Variants in DPP6 observed in about 807,000 individuals in gnomAD.
DPP6 encodes the protein dipeptidyl peptidase like 6.
A neutral mutation model predicts 122.6 loss-of-function variants in DPP6; 69 were observed. The observed-to-expected ratio is 0.56, with a 90% CI of 0.46 to 0.69. The LOEUF is 0.69. Ranked by LOEUF, DPP6 falls within the 30% of genes least tolerant of loss-of-function variation. DPP6 has a pLI of 0.00. For missense variants in DPP6, 928 were observed against 1,116.9 expected (o/e 0.83, Z 2.41); for synonymous variants, 418 against 433.1 (o/e 0.97, Z 0.43).
In DPP6 at chr7:154,052,776, A is replaced by C. The variant is rs1353110386; in HGVS notation, c.-45A>C. Reference sequence around the variant, plus strand: ...GGAGTGGGAACCGGAGAGAAAGCAAAATATTAAAAAGCCCCAAAGACAGCC... The same window carrying C: ...GGAGTGGGAACCGGAGAGAAAGCAACATATTAAAAAGCCCCAAAGACAGCC... On this transcript the variant is annotated 5_prime_UTR_variant, in exon 1 of 26. Coordinates refer to ENST00000377770, the MANE Select transcript of DPP6 (RefSeq NM_130797.4). The surrounding 1 kb of genome is among the most constrained non-coding windows in gnomAD (Gnocchi z 4.8). The C allele has an allele frequency of 1.0e-5, 15 of 1,442,790 alleles. No individual in the cohort carries two copies. The highest frequency in any genetic ancestry group is 1.4e-5 in the Non-Finnish European group (15 of 1,087,086). 89.4% of individuals were successfully genotyped at this position (1,442,790 alleles called of 1,614,324 possible).
At chr7:153,935,681 G>T (rs1183272416) in intron 1 of DPP6, among the ~76,000 whole-genome samples, 1 of 152,196 alleles carries the variant, frequency 6.6e-6, no homozygotes, top group Non-Finnish European at 1.5e-5. Context: ...GGAGACTCAG[G>T]CTCCGTTGCA....
chr7:154,882,781 G>A (rs1210927308), intron 21 of DPP6, among the ~76,000 whole-genome samples: 1 of 152,178 alleles, frequency 6.6e-6, no homozygotes, highest in South Asian at 2.1e-4. Flanking sequence ...GACAAGTAAG[G>A]ACGTGTGGAG....
chr7:153,877,135 A>T, the DPP6 span, among the ~76,000 whole-genome samples: 1 of 152,028 alleles, frequency 6.6e-6, no homozygotes, highest in Non-Finnish European at 1.5e-5. Context: ...AAACAAAAAA[A>T]ACCCTTTTCT....
chr7:154,882,784 G>A (rs1464822704), intron 21 of DPP6, among the ~76,000 whole-genome samples: 4 of 152,184 alleles, frequency 2.6e-5, no homozygotes, highest in African/African-American at 7.2e-5. Context: ...AAGTAAGGAC[G>A]TGTGGAGTTC....
intron 2 of DPP6, among the ~76,000 whole-genome samples, chr7:154,473,231 C>T (rs112381801): frequency 7.9e-5 from 12 of 152,114 alleles, no homozygotes; most frequent in African/African-American, 2.7e-4. Flanking sequence ...TTTTAAAATT[C>T]TCATTTATTG....
chr7:153,791,424 CTTT>C, the DPP6 span, among the ~76,000 whole-genome samples: 1 of 91,646 alleles, frequency 1.1e-5, no homozygotes, highest in South Asian at 4.2e-4. Flanking sequence ...TCCTTCCTTT[CTTT>C]TTTTTTTTTT....
intron 4 of DPP6, among the ~76,000 whole-genome samples, chr7:154,563,300 G>A (rs932420182): frequency 7.2e-5 from 11 of 152,198 alleles, no homozygotes; most frequent in African/African-American, 2.4e-4. Context: ...GGGACTGAGG[G>A]GAGAATACTG....
intron 1 of DPP6, among the ~76,000 whole-genome samples, chr7:154,346,690 T>C (rs1368109683): frequency 6.6e-6 from 1 of 152,178 alleles, no homozygotes; most frequent in Non-Finnish European, 1.5e-5. Flanking sequence ...TTGCCATTAA[T>C]CCTATCACTG....
chr7:153,852,397 C>T, the DPP6 span, among the ~76,000 whole-genome samples: 8 of 152,198 alleles, frequency 5.3e-5, no homozygotes, highest in East Asian at 1.9e-4. Flanking sequence ...GGGGAGCAGG[C>T]ATCTCATATG....
chr7:154,204,659 G>A (rs1799341249), intron 1 of DPP6, among the ~76,000 whole-genome samples: 1 of 152,140 alleles, frequency 6.6e-6, no homozygotes, highest in Non-Finnish European at 1.5e-5. Context: ...CTTGCGGCAG[G>A]TCCTGGGCGT....
chr7:154,662,102 A>T (rs1185137383), intron 6 of DPP6, among the ~76,000 whole-genome samples: 35 of 150,566 alleles, frequency 2.3e-4, no homozygotes, highest in African/African-American at 8.4e-4. Flanking sequence ...ATGGTGAATC[A>T]CCATGGCATA....
intron 1 of DPP6, among the ~76,000 whole-genome samples, chr7:154,314,221 A>G (rs1042707311): frequency 6.6e-6 from 1 of 152,278 alleles, no homozygotes; most frequent in African/African-American, 2.4e-5. Flanking sequence ...CTGATTCTGT[A>G]TCTATGAAAT....
In DPP6 at chr7:154,706,966, A is replaced by G. The variant is rs919775262; in HGVS notation, c.763-20801A>G. 1.9e-4 allele frequency among the ~76,000 whole-genome samples: 29 copies of G among 152,206 alleles called. 1 individual carries two copies. The highest frequency in any genetic ancestry group is 6.5e-4 in the African/African-American group (27 of 41,446). On this transcript the variant is annotated intron_variant, in intron 7 of 25. Coordinates refer to ENST00000377770, the MANE Select transcript of DPP6 (RefSeq NM_130797.4). ...TTTTGAAAGAAGGAATGATATGAGTACTTTCTGGTAGGAAGAGCAATTTTA... is the reference window on the plus strand; with the variant it reads ...TTTTGAAAGAAGGAATGATATGAGTGCTTTCTGGTAGGAAGAGCAATTTTA...
At chr7:154,164,166 T>A (rs1290457518) in intron 1 of DPP6, among the ~76,000 whole-genome samples, 1 of 151,024 alleles carries the variant, frequency 6.6e-6, no homozygotes, top group East Asian at 1.9e-4. Flanking sequence ...GTTCTGACTA[T>A]GGTCTAAGAG....
chr7:154,291,548 GTAA>G (rs1278070423), intron 1 of DPP6, among the ~76,000 whole-genome samples: 1 of 152,166 alleles, frequency 6.6e-6, no homozygotes, highest in East Asian at 1.9e-4. Context: ...GAGCTGCTTT[GTAA>G]TGGCTGCGTC....
At chr7:154,115,177 ACAAATGCCTTTGTGC>A (rs1806890804) in intron 1 of DPP6, among the ~76,000 whole-genome samples, 1 of 152,172 alleles carries the variant, frequency 6.6e-6, no homozygotes, top group Non-Finnish European at 1.5e-5. Flanking sequence ...GGTGTGAAAG[ACAAATGCCTTTGTGC>A]CCTCAAAGGC....
intron 5 of DPP6, among the ~76,000 whole-genome samples, chr7:154,611,644 T>C (rs1263299361): frequency 6.6e-6 from 1 of 152,192 alleles, no homozygotes; most frequent in Non-Finnish European, 1.5e-5. Flanking sequence ...CTTTATCTCA[T>C]GTATGTTATT....
At chr7:153,824,004 C>T in the DPP6 span, among the ~76,000 whole-genome samples, 1 of 152,146 alleles carries the variant, frequency 6.6e-6, no homozygotes, top group Non-Finnish European at 1.5e-5. Flanking sequence ...AAATGTGTTT[C>T]AGGAGAAACT....
intron 1 of DPP6, among the ~76,000 whole-genome samples, chr7:154,120,235 A>G (rs1409511215): frequency 6.9e-6 from 1 of 144,080 alleles, no homozygotes; most frequent in Non-Finnish European, 1.5e-5. Context: ...TTCCTGCATC[A>G]TTTTCTCTCT....
Sources: allele counts gnomAD v4.1 joint callset (sites outside exome capture counted in the v4.1 genomes callset), GRCh38; gene constraint gnomAD v4.1.1; non-coding constraint Gnocchi (gnomAD v3.1); transcripts MANE v1.5; gene names NCBI Gene and HGNC (gene_info 2026-07-23, HGNC 2026-07-21).